Variants in ST6GAL1 observed in about 807,000 individuals in gnomAD.
ST6GAL1 encodes the protein ST6 beta-galactoside alpha-2,6-sialyltransferase 1.
Under a neutral mutation model 38.0 loss-of-function variants are expected in ST6GAL1, and 20 were observed. The ratio of observed to expected loss-of-function variants is 0.53; its 90% CI spans 0.37 to 0.77. The LOEUF is 0.77. Among genes scored for constraint, ST6GAL1 ranks in the 30% least tolerant of loss-of-function variants. The pLI, the probability that ST6GAL1 is intolerant of heterozygous loss-of-function variation, is 0.00. For missense variants in ST6GAL1, 432 were observed against 496.4 expected (o/e 0.87, Z 1.23); for synonymous variants, 196 against 188.2 (o/e 1.04, Z -0.34).
intron 1 of ST6GAL1, among the ~76,000 whole-genome samples, chr3:186,957,531 T>A (rs190084176): frequency 6.6e-6 from 1 of 151,520 alleles, no homozygotes; most frequent in African/African-American, 2.4e-5. Flanking sequence ...AAAAAGAGAA[T>A]AGAGACAATG....
intron 2 of ST6GAL1, among the ~76,000 whole-genome samples, chr3:187,020,608 T>C (rs1422460960): frequency 2.0e-5 from 3 of 152,260 alleles, no homozygotes; most frequent in African/African-American, 7.2e-5. Flanking sequence ...TGCCCCTGTG[T>C]AGGTATTTTG....
intron 2 of ST6GAL1, among the ~76,000 whole-genome samples, chr3:187,006,889 A>C (rs16861471): frequency 0.079 from 12,000 of 152,254 alleles, 556 homozygotes; most frequent in Middle Eastern, 0.14. Flanking sequence ...AGGAAGAGGA[A>C]AGTTTTCTAG....
intron 2 of ST6GAL1, among the ~76,000 whole-genome samples, chr3:186,981,516 TTC>T (rs1409439097): frequency 6.6e-6 from 1 of 152,230 alleles, no homozygotes; most frequent in Non-Finnish European, 1.5e-5. Flanking sequence ...GCATGAAGTC[TTC>T]TCTGTAGCTT....
intron 1 of ST6GAL1, among the ~76,000 whole-genome samples, chr3:186,951,574 T>G (rs1480775555): frequency 6.6e-6 from 1 of 152,190 alleles, no homozygotes; most frequent in Non-Finnish European, 1.5e-5. Context: ...TGCTGTTAAT[T>G]CCAATGAATG....
rs548904799 is a variant in ST6GAL1 at position 187,014,390 on chromosome 3, C to T, written c.-182-24352C>T. ...CCCCTTTAGTTTTTTCTGGGCCCACCGTTTTGAGCTCCCAGTTACCAGCCT... is the reference window on the plus strand; with the variant it reads ...CCCCTTTAGTTTTTTCTGGGCCCACTGTTTTGAGCTCCCAGTTACCAGCCT... On this transcript the variant is annotated intron_variant, in intron 2 of 7. Transcript: ENST00000169298. Among the ~76,000 whole-genome samples, 20 of 152,282 alleles carry T rather than the reference C, an allele frequency of 1.3e-4. No individual in the cohort carries two copies. The South Asian group carries it at 3.9e-3, about 30-fold the overall frequency.
At chr3:187,038,136 G>A (rs1292854417) in intron 2 of ST6GAL1, among the ~76,000 whole-genome samples, 2 of 150,852 alleles carry the variant, frequency 1.3e-5, no homozygotes, top group Non-Finnish European at 3.0e-5. Context: ...TTCTTCCCAG[G>A]TTGGTCCATG....
At chr3:186,958,435 T>C (rs181766796) in intron 1 of ST6GAL1, among the ~76,000 whole-genome samples, 48 of 152,180 alleles carry the variant, frequency 3.2e-4, no homozygotes. Context: ...ATCCTTATTT[T>C]CTATAATAGG....
intron 2 of ST6GAL1, among the ~76,000 whole-genome samples, chr3:187,029,957 T>C (rs1035838149): frequency 5.9e-5 from 9 of 152,114 alleles, no homozygotes; most frequent in South Asian, 4.2e-4. Context: ...GGAGTGGTAA[T>C]TGGAGATGGG....
At chr3:186,975,868 C>G (rs1715504345) in intron 2 of ST6GAL1, among the ~76,000 whole-genome samples, 2 of 152,172 alleles carry the variant, frequency 1.3e-5, no homozygotes, top group South Asian at 4.1e-4. Flanking sequence ...TACCTCATCC[C>G]AATCCTGGCC....
intron 3 of ST6GAL1, 64 bp from the exon 4 acceptor site, chr3:187,042,590 C>G (rs1368845570): frequency 6.9e-7 from 1 of 1,439,012 alleles, no homozygotes; most frequent in East Asian, 2.3e-5. Context: ...GTCCATCGCT[C>G]CGCCTCATGC....
Position 187,076,987 on chromosome 3 carries a change from T to G in ST6GAL1, c.*1184T>G. On this transcript the variant is annotated 3_prime_UTR_variant, in exon 8 of 8. Coordinates refer to ENST00000169298, the MANE Select transcript of ST6GAL1 (RefSeq NM_173216.2). ...CCTAACCACCATCTGTTTTTTTTTT[T>G]TAAAGCATTTTTTGCTTTAAAAGCA... 2.5e-6 allele frequency: 1 copy of G among 398,794 alleles called. No homozygotes were observed. The highest frequency in any genetic ancestry group is 4.4e-6 in the Non-Finnish European group (1 of 226,014). The allele number at this position is 398,794 out of a possible 1,614,324, so 24.7% of individuals were successfully genotyped here. A position where few individuals can be genotyped will look rare whatever the true frequency, so the allele number is the denominator to read the frequency against.
chr3:187,061,866 A>G (rs887915156), intron 5 of ST6GAL1, among the ~76,000 whole-genome samples: 11 of 152,184 alleles, frequency 7.2e-5, no homozygotes, highest in African/African-American at 2.7e-4. Context: ...GAAAAAATAT[A>G]CAAGTTGGAC....
chr3:187,026,061 T>C (rs1717525179), intron 2 of ST6GAL1, among the ~76,000 whole-genome samples: 1 of 152,218 alleles, frequency 6.6e-6, no homozygotes, highest in Non-Finnish European at 1.5e-5. Context: ...AGGTAAACAC[T>C]TGCCAACAGT....
At chr3:186,969,112 C>T (rs1429254285) in intron 2 of ST6GAL1, among the ~76,000 whole-genome samples, 5 of 143,918 alleles carry the variant, frequency 3.5e-5, no homozygotes, top group East Asian at 4.1e-4. Context: ...AATGCAGTGG[C>T]GCAATCTCAG....
At chr3:187,014,082 T>C (rs563095192) in intron 2 of ST6GAL1, among the ~76,000 whole-genome samples, 1 of 152,326 alleles carries the variant, frequency 6.6e-6, no homozygotes, top group South Asian at 2.1e-4. Flanking sequence ...CCAGCTCTCA[T>C]TTATTAAGCA....
At chr3:187,064,656 T>C (rs1184387649) in intron 5 of ST6GAL1, 3 of 455,838 alleles carry the variant, frequency 6.6e-6, no homozygotes, top group Non-Finnish European at 1.3e-5. Flanking sequence ...TAAGCAACAC[T>C]AAGTATCTGG....
At chr3:187,015,046 G>A (rs1013466323) in intron 2 of ST6GAL1, among the ~76,000 whole-genome samples, 2 of 152,208 alleles carry the variant, frequency 1.3e-5, no homozygotes, top group African/African-American at 2.4e-5. Context: ...TCATCACTGA[G>A]TGTAAATTCT....
At chr3:187,065,850 T>C (rs1719090334) in intron 5 of ST6GAL1, among the ~76,000 whole-genome samples, 2 of 152,346 alleles carry the variant, frequency 1.3e-5, no homozygotes, top group African/African-American at 2.4e-5. Flanking sequence ...CCTTCTCTCA[T>C]TTGATCTTCA....
At chr3:186,973,068 T>C (rs888687175) in intron 2 of ST6GAL1, among the ~76,000 whole-genome samples, 1 of 152,132 alleles carries the variant, frequency 6.6e-6, no homozygotes, top group Non-Finnish European at 1.5e-5. Context: ...GGAGTTTTGC[T>C]CTTGTTGTCC....
Sources: gnomAD v4.1 joint callset for allele counts (sites outside exome capture counted in the v4.1 genomes callset) on GRCh38, gnomAD v4.1.1 for gene constraint, MANE v1.5 for transcripts, NCBI Gene and HGNC (gene_info 2026-07-23, HGNC 2026-07-21) for gene names.